Variants in NPY observed in about 807,000 individuals in gnomAD.
NPY encodes neuropeptide Y.
NPY carries 11 observed loss-of-function variants against 13.2 expected under a neutral mutation model. The ratio of observed to expected loss-of-function variants is 0.83; its 90% confidence interval spans 0.52 to 1.38. The LOEUF (loss-of-function observed/expected upper bound fraction) is 1.38, where lower values mean the gene tolerates loss of function less well. Among genes scored for constraint, NPY ranks in the 40% most tolerant of loss-of-function variants. NPY has a pLI of 0.00. For synonymous variants in NPY, 51 were observed against 55.6 expected (o/e 0.92, Z 0.37); for missense variants, 109 against 125.1 (o/e 0.87, Z 0.61).
rs763930002 is a variant in NPY, at chr7:24,285,323, C to T, written c.83C>T (p.Ala28Val). 6.2e-7 allele frequency: 1 copy of T among 1,614,020 alleles called. No homozygotes were observed. The highest frequency in any genetic ancestry group is 8.5e-7 in the Non-Finnish European group (1 of 1,180,020). Residue 28 changes from alanine to valine, a missense_variant, in exon 2 of 4, where the codon GCG becomes GTG. Transcript: ENST00000242152. This position sits in a 1 kb window ranked among gnomAD's most constrained non-coding sequence, Gnocchi z 4.9. ...LLVCLGALAE[A>V]YPSKPDNPGE... ...GTGTGCCTGGGTGCGCTGGCCGAGG[C>T]GTACCCCTCCAAGCCGGACAACCCG...
chr7:24,290,507 T>C (rs1283030377), intron 3 of NPY, among the ~76,000 whole-genome samples: 1 of 152,072 alleles, frequency 6.6e-6, no homozygotes, highest in African/African-American at 2.4e-5. Context: ...AAGTTCTCCC[T>C]AGAGACTCAG....
At chr7:24,290,747 CT>C (rs1247485340) in intron 3 of NPY, among the ~76,000 whole-genome samples, 8 of 103,942 alleles carry the variant, frequency 7.7e-5, no homozygotes, top group African/African-American at 2.0e-4. Flanking sequence ...TAAGGGTTAT[CT>C]TTTTTTAATT....
chr7:24,290,610 G>A lies in NPY; in HGVS notation c.269+1031G>A, dbSNP rs188203495. On this transcript the variant is annotated intron_variant, in intron 3 of 3. Coordinates refer to ENST00000242152, the MANE Select transcript of NPY (RefSeq NM_000905.4). The stretch of plus-strand genomic sequence containing the variant: ...CCAGCATGAAGGGTGTTAGTATAGA[G>A]TTGTGAGATTTGTTTTCTCTAAAGG... Among the ~76,000 whole-genome samples the A allele has an allele frequency of 1.2e-3, 183 of 152,038 alleles. 1 individual carries two copies. The highest frequency in any genetic ancestry group is 4.0e-3 in the African/African-American group (167 of 41,464).
chr7:24,285,327 C>T lies in NPY; in HGVS notation c.87C>T (p.Tyr29=). ...LVCLGALAEA[Y]PSKPDNPGED... ...GCCTGGGTGCGCTGGCCGAGGCGTA[C>T]CCCTCCAAGCCGGACAACCCGGGCG... Residue 29 remains tyrosine, a synonymous_variant, in exon 2 of 4, where the codon TAC becomes TAT. Coordinates refer to ENST00000242152, the MANE Select transcript of NPY (RefSeq NM_000905.4). The surrounding 1 kb of genome is among the most constrained non-coding windows in gnomAD (Gnocchi z 4.9). 6.2e-7 allele frequency: 1 copy of T among 1,614,012 alleles called. No homozygotes were observed. The highest frequency in any genetic ancestry group is 8.5e-7 in the Non-Finnish European group (1 of 1,180,004).
intron 3 of NPY, among the ~76,000 whole-genome samples, chr7:24,289,885 G>A (rs1787538384): frequency 6.6e-6 from 1 of 152,044 alleles, no homozygotes; most frequent in Non-Finnish European, 1.5e-5. Flanking sequence ...TTGGAGTCAG[G>A]GGAGCATAGA....
Position 24,291,770 on chromosome 7 carries a change from C to A in NPY, c.*83C>A. ...TAAAACGAGAATCCACCCATCCTAC[C>A]AATGCATGCAGCCACTGTGCTGAAT... On this transcript the variant is annotated 3_prime_UTR_variant, in exon 4 of 4. Transcript: ENST00000242152. 1.4e-6 allele frequency: 2 copies of A among 1,446,348 alleles called. No homozygotes were observed. Among genetic ancestry groups the A allele is most frequent in the South Asian group, 1.1e-5 (1 of 87,112 alleles). The allele number at this position is 1,446,348 out of a possible 1,614,324, so 89.6% of individuals were successfully genotyped here. A position where few individuals can be genotyped will look rare whatever the true frequency, so the allele number is the denominator to read the frequency against.
At chr7:24,290,019 C>T (rs1027547743) in intron 3 of NPY, among the ~76,000 whole-genome samples, 21 of 152,146 alleles carry the variant, frequency 1.4e-4, no homozygotes, top group African/African-American at 5.1e-4. Flanking sequence ...TTTACTCCAA[C>T]TTTCCCAGTT....
rs1034558262 is a variant in NPY, at chr7:24,289,682, G to C, written c.269+103G>C. 8.1e-5 allele frequency: 58 copies of C among 716,194 alleles called. No individual in the cohort carries two copies. The Admixed American group carries it at 1.1e-3, about 14-fold the overall frequency. The allele number at this position is 716,194 out of a possible 1,614,324, so 44.4% of individuals were successfully genotyped here. ...GGTGGGAGGCACCACCAGGCTTCTAGACTAGGGGAGATTTCGGCAGAAATG... is the reference window on the plus strand; with the variant it reads ...GGTGGGAGGCACCACCAGGCTTCTACACTAGGGGAGATTTCGGCAGAAATG... On this transcript the variant is annotated intron_variant, in intron 3 of 3. Coordinates refer to ENST00000242152, the MANE Select transcript of NPY (RefSeq NM_000905.4).
Position 24,285,402 on chromosome 7 carries a change from C to G in NPY, c.162C>G (p.His54Gln). The change falls in exon 2 of 4, where the codon CAC becomes CAG. Residue 54 changes from histidine to glutamine, a missense_variant. Physicochemically the swap from His to Gln is conservative, Grantham distance 24. Coordinates refer to ENST00000242152, the MANE Select transcript of NPY (RefSeq NM_000905.4). This position sits in a 1 kb window ranked among gnomAD's most constrained non-coding sequence, Gnocchi z 4.9. ...DMARYYSALRHYINLITRQRY... is the reference protein window; with the variant it reads ...DMARYYSALRQYINLITRQRY... ...CCAGATACTACTCGGCGCTGCGACA[C>G]TACATCAACCTCATCACCAGGCAGA... The G allele has an allele frequency of 6.2e-7, 1 of 1,613,572 alleles. No homozygotes were observed. The highest frequency in any genetic ancestry group is 8.5e-7 in the Non-Finnish European group (1 of 1,179,754).
chr7:24,289,601 G>A (rs780055362), intron 3 of NPY, 22 bp downstream of exon 3: 23 of 1,593,604 alleles, frequency 1.4e-5, no homozygotes, highest in Non-Finnish European at 2.0e-5. Context: ...CTTGTGATGG[G>A]GACATTGTTG....
chr7:24,286,644 C>T (rs1367918119), intron 2 of NPY, among the ~76,000 whole-genome samples: 3 of 151,924 alleles, frequency 2.0e-5, no homozygotes, highest in Admixed American at 6.6e-5. Flanking sequence ...TGAAAAAGCC[C>T]CAATTTATAT....
chr7:24,284,446 G>A (rs752679882), intron 1 of NPY, among the ~76,000 whole-genome samples, 171 bp downstream of exon 1: 1 of 152,214 alleles, frequency 6.6e-6, no homozygotes, highest in African/African-American at 2.4e-5. Flanking sequence ...CCCTCTTGGC[G>A]GCTAAATTCC....
At chr7:24,287,205 G>A (rs1167347397) in intron 2 of NPY, among the ~76,000 whole-genome samples, 1 of 152,154 alleles carries the variant, frequency 6.6e-6, no homozygotes, top group Non-Finnish European at 1.5e-5. Context: ...AGGGACTTGG[G>A]TTTCATGGCA....
intron 3 of NPY, among the ~76,000 whole-genome samples, chr7:24,289,835 T>C (rs1787536299): frequency 6.6e-6 from 1 of 152,166 alleles, no homozygotes; most frequent in Non-Finnish European, 1.5e-5. Context: ...TAAAAATAAT[T>C]GACTTTTAAC....
At chr7:24,289,664 G>A in intron 3 of NPY, 85 bp downstream of exon 3, 2 of 931,824 alleles carry the variant, frequency 2.1e-6, no homozygotes, top group Non-Finnish European at 3.3e-6. Context: ...CCTGGTGGGA[G>A]GCACCACCAG....
At position 24,285,246 on chromosome 7, in the gene NPY, A is replaced by G; in HGVS notation, c.6A>G (p.Leu2=). Residue 2 remains leucine (L), a synonymous_variant, in exon 2 of 4, where the codon CTA becomes CTG. Transcript: ENST00000242152. This position sits in a 1 kb window ranked among gnomAD's most constrained non-coding sequence, Gnocchi z 4.9. M[L]GNKRLGLSGL... is the part of the protein sequence containing the mutation. ...TGAGCCTTCTGTGCCTGCAGATGCT[A>G]GGTAACAAGCGACTGGGGCTGTCCG... 1 of 1,613,858 alleles carries G rather than the reference A, an allele frequency of 6.2e-7. No homozygotes were observed. The highest frequency in any genetic ancestry group is 8.5e-7 in the Non-Finnish European group (1 of 1,179,832).
intron 2 of NPY, among the ~76,000 whole-genome samples, chr7:24,288,328 C>G (rs1787468314): frequency 6.6e-6 from 1 of 152,172 alleles, no homozygotes; most frequent in African/African-American, 2.4e-5. Flanking sequence ...GGGAGTGGGA[C>G]AGGGAGTTGT....
chr7:24,288,380 T>C (rs1406011266), intron 2 of NPY, among the ~76,000 whole-genome samples: 1 of 152,142 alleles, frequency 6.6e-6, no homozygotes, highest in Non-Finnish European at 1.5e-5. Flanking sequence ...AGAACAGTCA[T>C]AGAAAATATT....
At chr7:24,286,654 T>C (rs960403430) in intron 2 of NPY, among the ~76,000 whole-genome samples, 7 of 152,208 alleles carry the variant, frequency 4.6e-5, no homozygotes, top group African/African-American at 1.7e-4. Context: ...CCAATTTATA[T>C]AGAATCTGAA....
Sources: allele counts gnomAD v4.1 joint callset (sites outside exome capture counted in the v4.1 genomes callset), GRCh38; gene constraint gnomAD v4.1.1; non-coding constraint Gnocchi (gnomAD v3.1); transcripts MANE v1.5; gene names NCBI Gene and HGNC (gene_info 2026-07-23, HGNC 2026-07-21).